Variants in HSD17B3 observed in about 807,000 individuals in gnomAD.
HSD17B3 encodes the protein 17-beta-hydroxysteroid dehydrogenase type 3.
A neutral mutation model predicts 41.1 loss-of-function variants in HSD17B3; 29 were observed. That is an observed-to-expected ratio of 0.71 (90% CI 0.53 to 0.96). The LOEUF (loss-of-function observed/expected upper bound fraction) is 0.96, where lower values mean the gene tolerates loss of function less well. HSD17B3 is among the 40% of genes least tolerant of loss of function. HSD17B3 has a pLI of 0.00. For synonymous variants in HSD17B3, 126 were observed against 145.6 expected, an observed-to-expected ratio of 0.87 and a Z score of 0.97; for missense variants, 323 against 374.6, an observed-to-expected ratio of 0.86 and a Z score of 1.14.
intron 1 of HSD17B3, among the ~76,000 whole-genome samples, chr9:96,300,521 G>A (rs1047154274): frequency 7.3e-6 from 1 of 136,692 alleles, no homozygotes; most frequent in Non-Finnish European, 1.6e-5. Context: ...ATTTTATCTG[G>A]CAGCCCTATA....
At chr9:96,243,597 C>T (rs926934870) in intron 9 of HSD17B3, among the ~76,000 whole-genome samples, 8 of 152,230 alleles carry the variant, frequency 5.3e-5, no homozygotes, top group Non-Finnish European at 1.0e-4. Flanking sequence ...CTTCTTCCCA[C>T]ACAACAATAA....
intron 10 of HSD17B3, chr9:96,240,044 G>A (rs1454527492): frequency 1.3e-5 from 2 of 151,970 alleles, no homozygotes; most frequent in Non-Finnish European, 2.9e-5. Context: ...GACACAGGGA[G>A]GGGAACATCA....
At chr9:96,300,719 C>G (rs908172334) in intron 1 of HSD17B3, among the ~76,000 whole-genome samples, 5 of 152,036 alleles carry the variant, frequency 3.3e-5, no homozygotes, top group Non-Finnish European at 4.4e-5. Context: ...GCCTCATGCT[C>G]TTCACCTTAA....
At position 96,235,669 on chromosome 9, in the gene HSD17B3, G is replaced by C. The variant is rs1162711723; in HGVS notation, c.823-99C>G. The C allele has an allele frequency of 5.3e-6, 5 of 936,970 alleles. No homozygotes were observed. In the East Asian group the frequency reaches 1.0e-4, roughly 20 times the overall value. The allele number at this position is 936,970 out of a possible 1,614,324, so 58.0% of individuals were successfully genotyped here. Reference sequence around the variant, plus strand: ...AAAATATTTTTTTCTGACTACTAAAGTGGAGCCCCAGAACCTTTTATGTAA... The same window carrying C: ...AAAATATTTTTTTCTGACTACTAAACTGGAGCCCCAGAACCTTTTATGTAA... On this transcript the variant is annotated intron_variant, in intron 10 of 10. Coordinates refer to ENST00000375263, the MANE Select transcript of HSD17B3 (RefSeq NM_000197.2).
chr9:96,240,697 G>C, intron 10 of HSD17B3, 61 bp downstream of exon 10: 1 of 1,569,492 alleles, frequency 6.4e-7, no homozygotes, highest in Non-Finnish European at 8.8e-7. Context: ...GCCCAGCCCT[G>C]CCAGGGCCAC....
At chr9:96,260,720 G>A (rs767948887) in intron 2 of HSD17B3, among the ~76,000 whole-genome samples, 1 of 152,032 alleles carries the variant, frequency 6.6e-6, no homozygotes, top group Non-Finnish European at 1.5e-5. Context: ...AGCCGAGATC[G>A]CACCACTGTA....
chr9:96,298,134 T>A (rs954061185), intron 2 of HSD17B3, among the ~76,000 whole-genome samples: 1 of 152,168 alleles, frequency 6.6e-6, no homozygotes, highest in South Asian at 2.1e-4. Flanking sequence ...TTAAAGTATA[T>A]AAGCTGATAT....
intron 6 of HSD17B3, among the ~76,000 whole-genome samples, chr9:96,249,157 C>A (rs1381575403): frequency 6.6e-6 from 1 of 152,174 alleles, no homozygotes; most frequent in Non-Finnish European, 1.5e-5. Context: ...TCTACCTCGG[C>A]CTCCCAAAGT....
intron 10 of HSD17B3, among the ~76,000 whole-genome samples, chr9:96,239,054 A>G (rs957290514): frequency 6.6e-6 from 1 of 152,250 alleles, no homozygotes; most frequent in Non-Finnish European, 1.5e-5. Flanking sequence ...GTGGCAGAGT[A>G]CAGCAGTCTG....
At chr9:96,299,752 T>C (rs1025470058) in intron 1 of HSD17B3, among the ~76,000 whole-genome samples, 5 of 152,130 alleles carry the variant, frequency 3.3e-5, no homozygotes, top group African/African-American at 1.2e-4. Flanking sequence ...GCCCTGAGTC[T>C]ATGAATATAC....
chr9:96,272,971 C>A (rs1826321447), intron 2 of HSD17B3, among the ~76,000 whole-genome samples: 1 of 152,134 alleles, frequency 6.6e-6, no homozygotes, highest in African/African-American at 2.4e-5. Flanking sequence ...AAAAGTTTTA[C>A]ATAGTATATG....
intron 1 of HSD17B3, among the ~76,000 whole-genome samples, chr9:96,299,057 A>C (rs1176528333): frequency 6.6e-6 from 1 of 152,260 alleles, no homozygotes; most frequent in Non-Finnish European, 1.5e-5. Context: ...CAATAGAACT[A>C]TCTGTTAATA....
chr9:96,274,490 A>G (rs172169), intron 2 of HSD17B3, among the ~76,000 whole-genome samples: 70 of 152,260 alleles, frequency 4.6e-4, no homozygotes, highest in African/African-American at 1.6e-3. Flanking sequence ...ACACAGATAG[A>G]CAACTCAACA....
intron 9 of HSD17B3, among the ~76,000 whole-genome samples, chr9:96,242,680 T>C (rs1239284653): frequency 2.0e-5 from 3 of 152,196 alleles, no homozygotes; most frequent in Non-Finnish European, 4.4e-5. Context: ...GTTCTCTGCA[T>C]CAGGGAAGGG....
chr9:96,248,742 A>G (rs1212161533), intron 6 of HSD17B3, among the ~76,000 whole-genome samples: 1 of 152,174 alleles, frequency 6.6e-6, no homozygotes, highest in Non-Finnish European at 1.5e-5. Flanking sequence ...TCTACTCACC[A>G]AGTCACACAG....
chr9:96,291,409 T>C (rs1294661721), intron 2 of HSD17B3, among the ~76,000 whole-genome samples: 2 of 105,152 alleles, frequency 1.9e-5, no homozygotes, highest in Non-Finnish European at 3.5e-5. Context: ...GAGCCCCCAC[T>C]CCACCTGGTA....
At chr9:96,286,186 C>T (rs948036381) in intron 2 of HSD17B3, among the ~76,000 whole-genome samples, 2 of 151,934 alleles carry the variant, frequency 1.3e-5, no homozygotes, top group Non-Finnish European at 2.9e-5. Context: ...TCTACTAAAA[C>T]TACAAAAATT....
At chr9:96,296,261 GAA>G (rs1376546381) in intron 2 of HSD17B3, among the ~76,000 whole-genome samples, 3 of 152,050 alleles carry the variant, frequency 2.0e-5, no homozygotes, top group Non-Finnish European at 4.4e-5. Flanking sequence ...AGTAAAAGAA[GAA>G]GAAACATCAG....
chr9:96,301,366 C>T, intron 1 of HSD17B3, among the ~76,000 whole-genome samples: 1 of 149,410 alleles, frequency 6.7e-6, no homozygotes, highest in Non-Finnish European at 1.5e-5. Flanking sequence ...ATCACAAGGT[C>T]AAGAGTTTGA....
Sources: gnomAD v4.1 joint callset for allele counts (sites outside exome capture counted in the v4.1 genomes callset) on GRCh38, gnomAD v4.1.1 for gene constraint, MANE v1.5 for transcripts, NCBI Gene and HGNC (gene_info 2026-07-23, HGNC 2026-07-21) for gene names.